Variants in STPG2 observed in about 807,000 individuals in gnomAD.
STPG2 encodes sperm tail PG-rich repeat containing 2, also known as sperm-tail PG-rich repeat-containing protein 2.
Under a neutral mutation model 54.2 loss-of-function variants are expected in STPG2, and 56 were observed. The observed-to-expected ratio is 1.03, with a 90% confidence interval of 0.83 to 1.29. The LOEUF (loss-of-function observed/expected upper bound fraction) is 1.29, where lower values mean the gene tolerates loss of function less well. STPG2 is among the 50% of genes most tolerant of loss of function. STPG2 has a pLI of 0.00. For synonymous variants in STPG2, 200 were observed against 181.8 expected (o/e 1.10, Z -0.81); for missense variants, 596 against 544.9 (o/e 1.09, Z -0.93).
At chr4:97,925,943 G>A (rs372601328) in intron 8 of STPG2, among the ~76,000 whole-genome samples, 15 of 151,952 alleles carry the variant, frequency 9.9e-5, no homozygotes, top group African/African-American at 2.4e-4. Context: ...GCTTAATGAC[G>A]GTGGCATTTC....
intron 4 of STPG2, among the ~76,000 whole-genome samples, chr4:97,458,021 A>G (rs1729571283): frequency 6.6e-6 from 1 of 152,222 alleles, no homozygotes. Context: ...CCAATTAACA[A>G]CGTACTTTCT....
chr4:98,045,325 T>A (rs760386777), intron 5 of STPG2, among the ~76,000 whole-genome samples: 5 of 152,176 alleles, frequency 3.3e-5, no homozygotes, highest in Non-Finnish European at 7.4e-5. Context: ...GCACTGCTAA[T>A]GTAAATTTCA....
At chr4:97,674,382 A>C (rs1722780810) in intron 10 of STPG2, among the ~76,000 whole-genome samples, 1 of 152,226 alleles carries the variant, frequency 6.6e-6, no homozygotes, top group Admixed American at 6.5e-5. Context: ...TCAGAATAAG[A>C]GGAAGTAGAA....
At chr4:97,595,267 G>A (rs1733255961) in intron 10 of STPG2, among the ~76,000 whole-genome samples, 1 of 152,150 alleles carries the variant, frequency 6.6e-6, no homozygotes, top group African/African-American at 2.4e-5. Flanking sequence ...ATACTATGCA[G>A]CCATAAAAAA....
intron 8 of STPG2, among the ~76,000 whole-genome samples, chr4:97,859,563 C>A (rs1315310075): frequency 6.6e-6 from 1 of 151,090 alleles, no homozygotes; most frequent in South Asian, 2.1e-4. Context: ...CTCCCAGGTT[C>A]AAGTGATTCT....
chr4:97,721,028 C>T (rs1724432322), intron 9 of STPG2, among the ~76,000 whole-genome samples: 1 of 152,032 alleles, frequency 6.6e-6, no homozygotes, highest in African/African-American at 2.4e-5. Context: ...TATTCAAAAA[C>T]ATACAGATTT....
intron 5 of STPG2, among the ~76,000 whole-genome samples, chr4:98,009,206 G>A (rs907130195): frequency 1.3e-5 from 2 of 151,262 alleles, no homozygotes; most frequent in African/African-American, 4.9e-5. Context: ...CTTTTTTGAT[G>A]TAGGCGTTTA....
intron 6 of STPG2, among the ~76,000 whole-genome samples, chr4:97,972,986 T>C (rs1734385531): frequency 6.6e-6 from 1 of 152,194 alleles, no homozygotes; most frequent in Non-Finnish European, 1.5e-5. Flanking sequence ...GAAAACAGAC[T>C]AATACAGTAA....
At chr4:97,958,243 G>C (rs1181302235) in intron 7 of STPG2, among the ~76,000 whole-genome samples, 1 of 152,026 alleles carries the variant, frequency 6.6e-6, no homozygotes, top group African/African-American at 2.4e-5. Context: ...CTGGGAGGTG[G>C]ACATTGCAGT....
At chr4:98,037,367 C>T (rs1462084342) in intron 5 of STPG2, among the ~76,000 whole-genome samples, 13 of 152,072 alleles carry the variant, frequency 8.5e-5, no homozygotes, top group Non-Finnish European at 1.8e-4. Context: ...GGAGACAAGT[C>T]TTATAAACAT....
At chr4:97,632,288 T>TC (rs1285074990) in intron 10 of STPG2, among the ~76,000 whole-genome samples, 1 of 150,740 alleles carries the variant, frequency 6.6e-6, no homozygotes, top group African/African-American at 2.5e-5. Context: ...CTTATTGGTT[T>TC]TTTTTTTTTT....
chr4:97,775,724 T>G (rs1472349668), intron 9 of STPG2, among the ~76,000 whole-genome samples: 1 of 152,176 alleles, frequency 6.6e-6, no homozygotes, highest in Non-Finnish European at 1.5e-5. Context: ...GGAAGAGACT[T>G]TAAAATTGCT....
intron 2 of STPG2, among the ~76,000 whole-genome samples, chr4:98,132,392 C>A (rs1198498255): frequency 1.3e-5 from 2 of 151,986 alleles, no homozygotes; most frequent in African/African-American, 4.8e-5. Context: ...TAAACCTTTA[C>A]TATTTTAACT....
At chr4:97,903,410 G>T (rs192041244) in intron 8 of STPG2, among the ~76,000 whole-genome samples, 4 of 150,378 alleles carry the variant, frequency 2.7e-5, no homozygotes, top group African/African-American at 9.8e-5. Flanking sequence ...TTAAAAAATG[G>T]CCAAAAATCA....
At position 97,492,404 on chromosome 4, in the gene STPG2, C is replaced by T. The variant is rs1028472824; in HGVS notation, c.462+220295G>A. On this transcript the variant is annotated intron_variant, in intron 4 of 4. Coordinates refer to the STPG2 transcript ENST00000522676. ...GGAGAGGGGCACTCTTTCTCCCTGACTCCTCAGAAGTTTAAGCCTAGATAT... is the reference window on the plus strand; with the variant it reads ...GGAGAGGGGCACTCTTTCTCCCTGATTCCTCAGAAGTTTAAGCCTAGATAT... Among the ~76,000 whole-genome samples, 4 of 151,498 alleles carry T rather than the reference C, an allele frequency of 2.6e-5. 1 individual carries two copies. The highest frequency in any genetic ancestry group is 2.0e-4 in the Admixed American group (3 of 15,134).
chr4:97,491,248 A>G (rs1730497509), intron 4 of STPG2, among the ~76,000 whole-genome samples: 1 of 151,500 alleles, frequency 6.6e-6, no homozygotes, highest in Non-Finnish European at 1.5e-5. Context: ...TTTTTACCCA[A>G]GGAGAAAACA....
At chr4:97,545,939 G>A (rs1731824929) in intron 4 of STPG2, among the ~76,000 whole-genome samples, 3 of 152,076 alleles carry the variant, frequency 2.0e-5, no homozygotes, top group African/African-American at 2.4e-5. Flanking sequence ...CTACCTAGAG[G>A]CAATAAAAAT....
chr4:97,592,323 G>A (rs1472606525), intron 10 of STPG2, among the ~76,000 whole-genome samples: 2 of 152,008 alleles, frequency 1.3e-5, no homozygotes, highest in Admixed American at 6.5e-5. Context: ...CTTCATTACA[G>A]TTGTTTATGT....
rs1733231691 is a variant in STPG2, at chr4:97,946,570, T to C, written c.934-2563A>G. ...AATCCATCTTGAGTTGCTTTTTATA[T>C]AAAATGAGATGTAGGGATTCAGTTT... On this transcript the variant is annotated intron_variant, in intron 7 of 10. Transcript: ENST00000295268. Among the ~76,000 whole-genome samples the C allele has an allele frequency of 3.3e-5, 5 of 152,150 alleles. No individual in the cohort carries two copies. In the South Asian group the frequency reaches 1.0e-3, roughly 31 times the overall value.
Sources: allele counts gnomAD v4.1 joint callset (sites outside exome capture counted in the v4.1 genomes callset), GRCh38; gene constraint gnomAD v4.1.1; transcripts MANE v1.5; gene names NCBI Gene and HGNC (gene_info 2026-07-23, HGNC 2026-07-21).